The following CPA6 variants were observed in gnomAD, a reference collection of about 807,000 sequenced individuals.
CPA6 encodes the protein carboxypeptidase A6.
In CPA6, 58 loss-of-function variants were observed where a neutral mutation model predicts 63.3. The ratio of observed to expected loss-of-function variants is 0.92; its 90% CI spans 0.74 to 1.14. CPA6 has a LOEUF of 1.14. Ranked by LOEUF, CPA6 falls within the 50% of genes most tolerant of loss-of-function variation. CPA6 has a pLI of 0.00. For missense variants in CPA6, 565 were observed against 526.6 expected (o/e 1.07, Z -0.71); for synonymous variants, 185 against 179.0 (o/e 1.03, Z -0.27).
chr8:67,660,525 G>A (rs1816086404), intron 1 of CPA6, among the ~76,000 whole-genome samples: 1 of 122,378 alleles, frequency 8.2e-6, no homozygotes, highest in East Asian at 2.3e-4. Flanking sequence ...TTTTTGTAGA[G>A]ATGAGGTTTC....
intron 8 of CPA6, among the ~76,000 whole-genome samples, chr8:67,438,600 G>A (rs1302881032): frequency 6.6e-6 from 1 of 152,132 alleles, no homozygotes; most frequent in Non-Finnish European, 1.5e-5. Flanking sequence ...AAAATAATGA[G>A]TAACTCCAGA....
chr8:67,735,787 A>C (rs916165381), intron 1 of CPA6: 1 of 151,552 alleles, frequency 6.6e-6, no homozygotes, highest in Non-Finnish European at 1.5e-5. Context: ...ACTTTCTCTT[A>C]AAAATAGAAT....
At chr8:67,731,623 C>A (rs1208061497) in intron 1 of CPA6, among the ~76,000 whole-genome samples, 1 of 152,200 alleles carries the variant, frequency 6.6e-6, no homozygotes, top group Non-Finnish European at 1.5e-5. Context: ...TTTACTGTTG[C>A]CTTATTTTAA....
intron 1 of CPA6, among the ~76,000 whole-genome samples, chr8:67,674,084 TC>T (rs1402025315): frequency 1.3e-5 from 2 of 152,194 alleles, no homozygotes; most frequent in East Asian, 3.9e-4. Flanking sequence ...TTCTCTCCAT[TC>T]TACAGTTGTG....
chr8:67,528,771 A>G (rs1270840249), intron 2 of CPA6, among the ~76,000 whole-genome samples: 1 of 151,962 alleles, frequency 6.6e-6, no homozygotes, highest in Middle Eastern at 3.2e-3. Flanking sequence ...ACTGTCCAAT[A>G]AAACCACCGC....
chr8:67,634,559 A>G (rs1183465800), intron 1 of CPA6, among the ~76,000 whole-genome samples: 2 of 151,534 alleles, frequency 1.3e-5, no homozygotes, highest in Non-Finnish European at 2.9e-5. Context: ...GGGGAGAAAG[A>G]GTAAGGTTAG....
intron 8 of CPA6, among the ~76,000 whole-genome samples, chr8:67,462,201 G>T (rs950232320): frequency 1.3e-5 from 2 of 150,958 alleles, no homozygotes; most frequent in Non-Finnish European, 2.9e-5. Flanking sequence ...TAAGCAAAAA[G>T]CCAGTTTTAT....
At chr8:67,475,914 CTTTCTTTCTT>C in intron 8 of CPA6, among the ~76,000 whole-genome samples, 1 of 92,384 alleles carries the variant, frequency 1.1e-5, no homozygotes, top group South Asian at 3.3e-4. Context: ...TTCTTTCTTT[CTTTCTTTCTT>C]TCTTTCTTTC....
chr8:67,591,897 G>T (rs1217872698), intron 2 of CPA6, among the ~76,000 whole-genome samples: 1 of 151,976 alleles, frequency 6.6e-6, no homozygotes, highest in Non-Finnish European at 1.5e-5. Flanking sequence ...CTGCCTAATT[G>T]CCCTGGCCAG....
intron 1 of CPA6, among the ~76,000 whole-genome samples, chr8:67,689,787 A>G (rs535865487): frequency 6.6e-6 from 1 of 152,290 alleles, no homozygotes; most frequent in South Asian, 2.1e-4. Context: ...TTGGGTATAT[A>G]CCCAGTAATG....
chr8:67,443,585 A>G (rs1419362658), intron 8 of CPA6, among the ~76,000 whole-genome samples: 1 of 152,180 alleles, frequency 6.6e-6, no homozygotes, highest in Non-Finnish European at 1.5e-5. Context: ...CTGTGCAACC[A>G]TCACCATTAT....
intron 1 of CPA6, among the ~76,000 whole-genome samples, chr8:67,653,571 G>A (rs1815902775): frequency 6.6e-6 from 1 of 152,006 alleles, no homozygotes; most frequent in African/African-American, 2.4e-5. Flanking sequence ...AAGAATGTTT[G>A]TGATTTTTGT....
intron 1 of CPA6, among the ~76,000 whole-genome samples, chr8:67,706,919 TG>T (rs970890557): frequency 6.6e-6 from 1 of 152,194 alleles, no homozygotes; most frequent in African/African-American, 2.4e-5. Context: ...AATGTGTTAT[TG>T]GTATGTGTTC....
intron 1 of CPA6, among the ~76,000 whole-genome samples, chr8:67,737,028 T>G (rs1194857388): frequency 6.6e-6 from 1 of 152,196 alleles, no homozygotes; most frequent in African/African-American, 2.4e-5. Context: ...TTGACACCAG[T>G]CTTCAGCCCT....
intron 2 of CPA6, among the ~76,000 whole-genome samples, chr8:67,519,955 A>T (rs1248868239): frequency 6.6e-6 from 1 of 151,946 alleles, no homozygotes. Context: ...TTGGCGTTCT[A>T]TTCTTCAGTG....
intron 2 of CPA6, among the ~76,000 whole-genome samples, chr8:67,530,473 G>A (rs529258677): frequency 3.3e-5 from 5 of 152,228 alleles, no homozygotes; most frequent in Admixed American, 2.0e-4. Flanking sequence ...TACGTTTCTA[G>A]TAATACAGAG....
chr8:67,676,066 C>T (rs1816465272), intron 1 of CPA6, among the ~76,000 whole-genome samples: 1 of 152,138 alleles, frequency 6.6e-6, no homozygotes, highest in Non-Finnish European at 1.5e-5. Flanking sequence ...CAGTCACATT[C>T]CTAAATTACA....
chr8:67,657,851 C>G (rs1329745513), intron 1 of CPA6, among the ~76,000 whole-genome samples: 2 of 152,182 alleles, frequency 1.3e-5, no homozygotes, highest in African/African-American at 4.8e-5. Context: ...CCAGTGCACT[C>G]TCCCTGCAGC....
chr8:67,653,886 G>A (rs1815912476), intron 1 of CPA6, among the ~76,000 whole-genome samples: 1 of 151,648 alleles, frequency 6.6e-6, no homozygotes, highest in African/African-American at 2.4e-5. Context: ...GTTTGTCATA[G>A]ATAGCTCTTA....
Sources: gnomAD v4.1 joint callset for allele counts (sites outside exome capture counted in the v4.1 genomes callset) on GRCh38, gnomAD v4.1.1 for gene constraint, MANE v1.5 for transcripts, NCBI Gene and HGNC (gene_info 2026-07-23, HGNC 2026-07-21) for gene names.